The following SH3GL2 variants were observed in gnomAD, a reference collection of about 807,000 sequenced individuals.
SH3GL2 encodes SH3 domain containing GRB2 like 2, endophilin A1.
In SH3GL2, 24 loss-of-function variants were observed where a neutral mutation model predicts 46.0. The observed-to-expected ratio is 0.52, with a 90% CI of 0.38 to 0.73. The LOEUF (loss-of-function observed/expected upper bound fraction) is 0.73, where lower values mean the gene tolerates loss of function less well. Among genes scored for constraint, SH3GL2 ranks in the 30% least tolerant of loss-of-function variants. The probability of loss-of-function intolerance (pLI) is 0.00; values close to 1 mark genes in which losing one functional copy is unlikely to be tolerated. For synonymous variants in SH3GL2, 196 were observed against 147.1 expected (o/e 1.33, Z -2.40); for missense variants, 413 against 424.2 (o/e 0.97, Z 0.23).
chr9:17,789,557 G>C lies in SH3GL2; in HGVS notation c.624+7G>C. 1 of 1,612,934 alleles carries C rather than the reference G, an allele frequency of 6.2e-7. No individual in the cohort carries two copies. ...CAATCTCTTGGAGATGGATGTAAGT[G>C]ACTCCTGTGGTTTTCAATTTAATCT... is the stretch of plus-strand genomic sequence containing the variant. On this transcript the variant is annotated splice_region_variant and intron_variant, in intron 6 of 8. Transcript: ENST00000380607.
rs184937998 is a variant in SH3GL2, at chr9:17,777,851, G to A, written c.188-8530G>A. ...GGGTTTCAGCATATGAATTTGGGGAGGACAAATAGCAGTCTTCTTACCTTT... is the reference window on the plus strand; with the variant it reads ...GGGTTTCAGCATATGAATTTGGGGAAGACAAATAGCAGTCTTCTTACCTTT... On this transcript the variant is annotated intron_variant, in intron 3 of 8. Coordinates refer to ENST00000380607, the MANE Select transcript of SH3GL2 (RefSeq NM_003026.5). Among the ~76,000 whole-genome samples, 3 of 152,094 alleles carry A rather than the reference G, an allele frequency of 2.0e-5. No individual in the cohort carries two copies. The East Asian group carries it at 5.8e-4, about 29-fold the overall frequency.
chr9:17,682,406 G>T (rs115630406), intron 1 of SH3GL2, among the ~76,000 whole-genome samples: 2,381 of 152,260 alleles, frequency 0.016, 64 homozygotes, highest in African/African-American at 0.05. Context: ...CAGATCCTTT[G>T]CAGGGGCATG....
At chr9:17,635,344 ATGT>A (rs1472722280) in intron 1 of SH3GL2, among the ~76,000 whole-genome samples, 1 of 152,110 alleles carries the variant, frequency 6.6e-6, no homozygotes, top group Non-Finnish European at 1.5e-5. Flanking sequence ...ATAGTATTCC[ATGT>A]TGTATATGTA....
intron 1 of SH3GL2, among the ~76,000 whole-genome samples, chr9:17,721,925 G>A (rs1258163728): frequency 6.6e-6 from 1 of 152,250 alleles, no homozygotes; most frequent in African/African-American, 2.4e-5. Context: ...ATGGGGGTTA[G>A]TTCTGGAGAG....
intron 1 of SH3GL2, among the ~76,000 whole-genome samples, chr9:17,745,251 C>G (rs1018079697): frequency 3.3e-5 from 5 of 151,966 alleles, no homozygotes; most frequent in Admixed American, 1.3e-4. Context: ...CTTTATCTAC[C>G]TAAGATTGTA....
chr9:17,678,567 C>T (rs1433330084), intron 1 of SH3GL2, among the ~76,000 whole-genome samples: 2 of 152,036 alleles, frequency 1.3e-5, no homozygotes, highest in Non-Finnish European at 2.9e-5. Context: ...AAAATGTTCT[C>T]CCATTCTGTA....
Position 17,761,617 on chromosome 9 carries a change from G to A in SH3GL2, c.187+108G>A, listed in dbSNP as rs73642311. 6,633 of 807,916 alleles carry A rather than the reference G, an allele frequency of 8.2e-3. 298 individuals are homozygous for A. In the African/African-American group the frequency reaches 0.099, roughly 12 times the overall value. The allele number at this position is 807,916 out of a possible 1,614,324, so 50.0% of individuals were successfully genotyped here. ...TTTCTTCTTTTGGTGTTGCTTCCTC[G>A]GTCCACTTTTCTGAGAGGTTAGCGA... On this transcript the variant is annotated intron_variant, in intron 3 of 8. Coordinates refer to ENST00000380607, the MANE Select transcript of SH3GL2 (RefSeq NM_003026.5).
Position 17,791,317 on chromosome 9 carries a change from G to C in SH3GL2, c.711G>C (p.Thr237=). 6 of 1,610,280 alleles carry C rather than the reference G, an allele frequency of 3.7e-6. No homozygotes were observed. Among genetic ancestry groups the C allele is most frequent in the Non-Finnish European group, 5.1e-6 (6 of 1,176,586 alleles). Residue 237 remains threonine, a synonymous_variant, in exon 7 of 9, where the codon ACG becomes ACC. Transcript: ENST00000380607. ...CAGTCCAGATCCTGCAGCAAGTCAC[G>C]GTCAGACTGGAAGAAAGGTATTCTA... ...KQAVQILQQV[T]VRLEERIRQA... is the part of the protein sequence containing the mutation.
At chr9:17,647,062 G>C (rs118174561) in intron 1 of SH3GL2, among the ~76,000 whole-genome samples, 162 of 152,314 alleles carry the variant, frequency 1.1e-3, no homozygotes, top group South Asian at 4.4e-3. Flanking sequence ...TTTCCTCAGA[G>C]ATGCCCTGCC....
chr9:17,793,819 G>C (rs997495226), intron 8 of SH3GL2, among the ~76,000 whole-genome samples: 3 of 152,152 alleles, frequency 2.0e-5, no homozygotes, highest in South Asian at 4.1e-4. Flanking sequence ...TTGTCAGTTT[G>C]GTCTGCGAGT....
intron 2 of SH3GL2, among the ~76,000 whole-genome samples, chr9:17,760,832 A>C (rs1823149550): frequency 6.6e-6 from 1 of 152,140 alleles, no homozygotes; most frequent in South Asian, 2.1e-4. Flanking sequence ...GGCCTGACAA[A>C]GAGAACACGG....
intron 1 of SH3GL2, among the ~76,000 whole-genome samples, chr9:17,593,342 C>T (rs1055074682): frequency 5.3e-5 from 8 of 151,194 alleles, no homozygotes; most frequent in African/African-American, 9.7e-5. Context: ...TGGGATCTGA[C>T]GCTATCTCCA....
chr9:17,621,474 A>G (rs181157998), intron 1 of SH3GL2, among the ~76,000 whole-genome samples: 2 of 152,354 alleles, frequency 1.3e-5, no homozygotes, highest in East Asian at 1.9e-4. Context: ...TCACAATCAT[A>G]TGATGACTTT....
intron 3 of SH3GL2, among the ~76,000 whole-genome samples, chr9:17,772,198 AT>A (rs1454910445): frequency 6.6e-6 from 1 of 152,196 alleles, no homozygotes; most frequent in African/African-American, 2.4e-5. Flanking sequence ...TATTACATAA[AT>A]TTTGTTGGAA....
At chr9:17,689,292 G>A (rs1394552957) in intron 1 of SH3GL2, among the ~76,000 whole-genome samples, 4 of 152,030 alleles carry the variant, frequency 2.6e-5, no homozygotes, top group African/African-American at 9.7e-5. Flanking sequence ...ACCAAGAGGA[G>A]TCTAATGAGA....
At chr9:17,729,635 G>A (rs1478065379) in intron 1 of SH3GL2, among the ~76,000 whole-genome samples, 2 of 152,118 alleles carry the variant, frequency 1.3e-5, no homozygotes, top group Non-Finnish European at 2.9e-5. Context: ...ATTAATTTTT[G>A]TATAAGGTGT....
At chr9:17,734,376 C>G (rs1396752019) in intron 1 of SH3GL2, among the ~76,000 whole-genome samples, 2 of 152,102 alleles carry the variant, frequency 1.3e-5, no homozygotes, top group African/African-American at 2.4e-5. Flanking sequence ...ACACTAATCT[C>G]TTGCATTGGT....
chr9:17,645,803 C>G (rs1389561632), intron 1 of SH3GL2, among the ~76,000 whole-genome samples: 1 of 152,088 alleles, frequency 6.6e-6, no homozygotes, highest in East Asian at 1.9e-4. Flanking sequence ...TTGCACTTAA[C>G]ATTTTTTCCT....
intron 1 of SH3GL2, among the ~76,000 whole-genome samples, chr9:17,697,309 C>T (rs757682761): frequency 1.7e-4 from 26 of 151,780 alleles, no homozygotes; most frequent in South Asian, 4.2e-4. Context: ...CTGCAAACTC[C>T]GCCTCCCGGG....
Sources: allele counts gnomAD v4.1 joint callset (sites outside exome capture counted in the v4.1 genomes callset), GRCh38; gene constraint gnomAD v4.1.1; transcripts MANE v1.5; gene names NCBI Gene and HGNC (gene_info 2026-07-23, HGNC 2026-07-21).